The following TARS3 variants were observed in gnomAD, a reference collection of about 807,000 sequenced individuals.
TARS3 encodes the protein threonine--tRNA ligase 2, cytoplasmic.
In TARS3, 94 loss-of-function variants were observed where a neutral mutation model predicts 103.5. That is an observed-to-expected ratio of 0.91 (90% CI 0.77 to 1.08). The LOEUF (loss-of-function observed/expected upper bound fraction) is 1.08. Among genes scored for constraint, TARS3 ranks in the 50% least tolerant of loss-of-function variants. The pLI is 0.00. For missense variants in TARS3, 952 were observed against 995.2 expected, an observed-to-expected ratio of 0.96 and a Z score of 0.58; for synonymous variants, 416 against 355.4, an observed-to-expected ratio of 1.17 and a Z score of -1.92.
chr15:101,676,560 GT>G (rs781320938), intron 12 of TARS3, among the ~76,000 whole-genome samples: 1 of 152,144 alleles, frequency 6.6e-6, no homozygotes, highest in Non-Finnish European at 1.5e-5. Flanking sequence ...ATGCAGTGGT[GT>G]GGTCTTGGCT....
At chr15:101,666,166 A>T (rs892700712) in intron 15 of TARS3, among the ~76,000 whole-genome samples, 7 of 152,150 alleles carry the variant, frequency 4.6e-5, no homozygotes, top group Non-Finnish European at 8.8e-5. Context: ...ACAAAAATGG[A>T]TGTCTCTGTT....
chr15:101,680,666 T>G (rs1567333768), intron 12 of TARS3, among the ~76,000 whole-genome samples: 1 of 152,342 alleles, frequency 6.6e-6, no homozygotes, highest in East Asian at 1.9e-4. Context: ...GTTTTCTTAT[T>G]GAGGTTTGAA....
At chr15:101,654,822 T>C (rs766103153) in intron 18 of TARS3, 92 bp from the exon 19 acceptor site, 13 of 1,220,606 alleles carry the variant, frequency 1.1e-5, no homozygotes, top group Non-Finnish European at 1.5e-5. Context: ...TATCAAGTTT[T>C]TCTTCACTAA....
chr15:101,724,473 C>A lies in TARS3; in HGVS notation c.-86G>T, dbSNP rs1258010010. On this transcript the variant is annotated 5_prime_UTR_variant, in exon 1 of 19. Coordinates refer to ENST00000335968, the MANE Select transcript of TARS3 (RefSeq NM_152334.3). ...CGGACACTCAGCGCACGGCAGAAGA[C>A]AGGGCTCCCGGGAGGGGCGGGGCGA... 2.3e-6 allele frequency: 3 copies of A among 1,333,114 alleles called. No individual in the cohort carries two copies. In the African/African-American group the frequency reaches 4.6e-5, roughly 21 times the overall value. The allele number at this position is 1,333,114 out of a possible 1,614,324, so 82.6% of individuals were successfully genotyped here.
At chr15:101,718,061 A>G (rs1228893768) in intron 3 of TARS3, among the ~76,000 whole-genome samples, 1 of 152,164 alleles carries the variant, frequency 6.6e-6, no homozygotes, top group Admixed American at 6.5e-5. Context: ...AGCACACAAG[A>G]AAGCAGGTAT....
chr15:101,691,184 C>G (rs1898703120), intron 10 of TARS3, among the ~76,000 whole-genome samples: 1 of 152,126 alleles, frequency 6.6e-6, no homozygotes, highest in Admixed American at 6.5e-5. Flanking sequence ...CATGATCCAC[C>G]CGCCTCAGCC....
chr15:101,701,334 A>G (rs1431108881), intron 9 of TARS3, 150 bp from the exon 10 acceptor site: 3 of 483,658 alleles, frequency 6.2e-6, no homozygotes, highest in African/African-American at 2.0e-5. Flanking sequence ...ATGCAACAGC[A>G]TATGTAAAAT....
intron 3 of TARS3, among the ~76,000 whole-genome samples, chr15:101,719,902 G>A (rs1223888503): frequency 1.3e-5 from 2 of 152,138 alleles, no homozygotes; most frequent in Non-Finnish European, 2.9e-5. Flanking sequence ...AAACACTGAT[G>A]GCTGATCAAT....
intron 10 of TARS3, among the ~76,000 whole-genome samples, chr15:101,694,728 A>G (rs781042091): frequency 3.9e-5 from 6 of 152,246 alleles, no homozygotes; most frequent in Non-Finnish European, 5.9e-5. Flanking sequence ...TGCAAACACT[A>G]ATGTAAGAAA....
intron 12 of TARS3, among the ~76,000 whole-genome samples, chr15:101,683,564 A>C (rs969010600): frequency 6.6e-6 from 1 of 152,208 alleles, no homozygotes; most frequent in Non-Finnish European, 1.5e-5. Flanking sequence ...CACATGTGTA[A>C]GATGTACCTC....
chr15:101,711,362 T>C (rs2141445116), intron 5 of TARS3, among the ~76,000 whole-genome samples: 1 of 152,348 alleles, frequency 6.6e-6, no homozygotes, highest in East Asian at 1.9e-4. Flanking sequence ...AACCAATCTA[T>C]AATCATCTTA....
chr15:101,694,306 A>G lies in TARS3; in HGVS notation c.1320+6780T>C, dbSNP rs1210729889. ...TCCTGGCCTCCTACATCCCTTCCAC[A>G]GAAATGCAGCAGTTCCAGTTCTGAG... is the stretch of plus-strand genomic sequence containing the variant. On this transcript the variant is annotated intron_variant, in intron 10 of 18. Transcript: ENST00000335968. 2.0e-5 allele frequency among the ~76,000 whole-genome samples: 3 copies of G among 152,226 alleles called. No homozygotes were observed. The East Asian group carries it at 5.8e-4, about 29-fold the overall frequency.
intron 12 of TARS3, among the ~76,000 whole-genome samples, chr15:101,677,320 A>G (rs575634063): frequency 1.4e-3 from 219 of 152,258 alleles, no homozygotes; most frequent in African/African-American, 4.8e-3. Flanking sequence ...AGGCAGAGGA[A>G]AGGCAAATTC....
intron 15 of TARS3, among the ~76,000 whole-genome samples, chr15:101,666,980 T>C (rs535235): frequency 0.57 from 86,087 of 152,032 alleles, 25,760 homozygotes; most frequent in Non-Finnish European, 0.68. Flanking sequence ...GACTTGAAAG[T>C]CAAAATTGTG....
In TARS3 at chr15:101,724,327, C is replaced by A; in HGVS notation, c.61G>T (p.Asp21Tyr). 1 of 1,558,484 alleles carries A rather than the reference C, an allele frequency of 6.4e-7. No homozygotes were observed. The highest frequency in any genetic ancestry group is 8.6e-7 in the Non-Finnish European group (1 of 1,159,312). Residue 21 changes from aspartate (D) to tyrosine (Y), a missense_variant, in exon 1 of 19, where the codon GAC becomes TAC. Asp to Tyr is a radical substitution (Grantham distance 160). Around this residue, in one of 2 missense-constraint regions of TARS3, gnomAD observed 412 missense variants for 364.2 expected, o/e 1.13. Coordinates refer to ENST00000335968, the MANE Select transcript of TARS3 (RefSeq NM_152334.3). ...VASRLERQEE[D>Y]IRWLWSEVER... ...ACCTCCGACCACAGCCAGCGGATGT[C>A]CTCCTCCTGCCGCTCCAGGCGCGAC...
At chr15:101,710,718 G>GA (rs1337448291) in intron 5 of TARS3, among the ~76,000 whole-genome samples, 1 of 152,226 alleles carries the variant, frequency 6.6e-6, no homozygotes, top group East Asian at 1.9e-4. Context: ...CTCGGTTGGG[G>GA]AGGTCATTAA....
chr15:101,664,428 C>A (rs975754295), intron 15 of TARS3: 1 of 152,184 alleles, frequency 6.6e-6, no homozygotes, highest in East Asian at 1.9e-4. Flanking sequence ...CTCCACTGTA[C>A]CAATCAGGCA....
At chr15:101,708,628 G>A (rs1899699095) in intron 6 of TARS3, among the ~76,000 whole-genome samples, 165 bp downstream of exon 6, 1 of 152,166 alleles carries the variant, frequency 6.6e-6, no homozygotes, top group African/African-American at 2.4e-5. Flanking sequence ...AAATAGATGG[G>A]GAGGGAAATG....
intron 4 of TARS3, among the ~76,000 whole-genome samples, chr15:101,714,034 GA>G (rs1213667111): frequency 6.6e-6 from 1 of 152,172 alleles, no homozygotes; most frequent in Non-Finnish European, 1.5e-5. Context: ...TAGGTTTCAT[GA>G]AGATAATGGA....
Sources: gnomAD v4.1 joint callset for allele counts (sites outside exome capture counted in the v4.1 genomes callset) on GRCh38, gnomAD v4.1.1 for gene constraint, gnomAD v4.1.1 regional missense constraint, MANE v1.5 for transcripts, NCBI Gene and HGNC (gene_info 2026-07-23, HGNC 2026-07-21) for gene names.